The following GNAI3 variants were observed in gnomAD, a reference collection of about 807,000 sequenced individuals.
GNAI3 encodes the protein guanine nucleotide-binding protein G(i) subunit alpha-3.
A neutral mutation model predicts 41.8 loss-of-function variants in GNAI3; 12 were observed. The ratio of observed to expected loss-of-function variants is 0.29; its 90% CI spans 0.18 to 0.47. The LOEUF (loss-of-function observed/expected upper bound fraction) is 0.47, where lower values mean the gene tolerates loss of function less well. Among genes scored for constraint, GNAI3 ranks in the 20% least tolerant of loss-of-function variants. The pLI is 1.00. For synonymous variants in GNAI3, 132 were observed against 146.5 expected (o/e 0.90, Z 0.71); for missense variants, 360 against 429.6 (o/e 0.84, Z 1.43).
At position 109,595,200 on chromosome 1, in the gene GNAI3, G is replaced by A. The variant is rs1215394096; in HGVS notation, c.*2878G>A. On this transcript the variant is annotated 3_prime_UTR_variant, in exon 9 of 9. Coordinates refer to ENST00000369851, the MANE Select transcript of GNAI3 (RefSeq NM_006496.4). ...GCCTATGCTTTGGACCATCAAAGAA[G>A]CCATTAGTCTCTGTGTAAAGAAGAA... The A allele has an allele frequency of 6.6e-6, 1 of 152,182 alleles. No individual in the cohort carries two copies. The highest frequency in any genetic ancestry group is 1.5e-5 in the Non-Finnish European group (1 of 68,038). The allele number at this position is 152,182 out of a possible 1,614,324, so 9.4% of individuals were successfully genotyped here. A position where few individuals can be genotyped will look rare whatever the true frequency, so the allele number is the denominator to read the frequency against.
chr1:109,578,412 A>AG (rs940235187), intron 3 of GNAI3, among the ~76,000 whole-genome samples: 14 of 150,848 alleles, frequency 9.3e-5, no homozygotes, highest in Admixed American at 9.2e-4. Flanking sequence ...GGAGGTTACA[A>AG]GGAGCCGAGA....
chr1:109,561,742 T>A (rs1648316692), intron 1 of GNAI3, among the ~76,000 whole-genome samples: 1 of 152,146 alleles, frequency 6.6e-6, no homozygotes, highest in African/African-American at 2.4e-5. Flanking sequence ...GAGAGAGACA[T>A]ATACGTTAGG....
At chr1:109,590,452 A>G (rs1187326180) in intron 7 of GNAI3, among the ~76,000 whole-genome samples, 1 of 152,088 alleles carries the variant, frequency 6.6e-6, no homozygotes, top group East Asian at 1.9e-4. Flanking sequence ...GACAAAATTC[A>G]CTTTTCACTC....
At chr1:109,589,523 G>A (rs1649117339) in intron 7 of GNAI3, among the ~76,000 whole-genome samples, 1 of 152,086 alleles carries the variant, frequency 6.6e-6, no homozygotes, top group Admixed American at 6.6e-5. Context: ...GATCCTATAA[G>A]CAAAAGAGAT....
intron 1 of GNAI3, among the ~76,000 whole-genome samples, chr1:109,563,297 C>T (rs898676373): frequency 2.0e-5 from 3 of 152,184 alleles, no homozygotes; most frequent in Non-Finnish European, 2.9e-5. Flanking sequence ...GGAAGGATCG[C>T]TTGAGCCCTG....
chr1:109,555,959 CGTGCGTGTGTGT>C (rs1271823017), intron 1 of GNAI3, among the ~76,000 whole-genome samples: 4 of 96,786 alleles, frequency 4.1e-5, no homozygotes, highest in Non-Finnish European at 8.4e-5. Flanking sequence ...GGAGTGCGTG[CGTGCGTGTGTGT>C]GTGTGTGTGT....
At chr1:109,566,071 C>T (rs1191449266) in intron 1 of GNAI3, among the ~76,000 whole-genome samples, 2 of 152,102 alleles carry the variant, frequency 1.3e-5, no homozygotes, top group Non-Finnish European at 2.9e-5. Flanking sequence ...AGTTTGGGGG[C>T]TAGTTTTGGA....
chr1:109,563,168 G>A (rs551942110), intron 1 of GNAI3, among the ~76,000 whole-genome samples: 10 of 152,278 alleles, frequency 6.6e-5, no homozygotes, highest in Admixed American at 2.0e-4. Context: ...GATCACTTGA[G>A]CTCAGGAGTT....
In GNAI3 at chr1:109,599,574, A is replaced by G. The variant is rs1649394389; in HGVS notation, c.*7252A>G. On this transcript the variant is annotated 3_prime_UTR_variant, in exon 9 of 9. Coordinates refer to ENST00000369851, the MANE Select transcript of GNAI3 (RefSeq NM_006496.4). ...ATTTATGTGAAATGTAACGTAATTT[A>G]CATTTGATTTACTGTTAGTAATGTC... is the stretch of plus-strand genomic sequence containing the variant. 6.6e-6 allele frequency: 1 copy of G among 152,232 alleles called. No homozygotes were observed. The highest frequency in any genetic ancestry group is 2.1e-4 in the South Asian group (1 of 4,832). The allele number at this position is 152,232 out of a possible 1,614,324, so 9.4% of individuals were successfully genotyped here.
Position 109,586,325 on chromosome 1 carries a change from C to G in GNAI3, c.700C>G (p.Leu234Val). 6.2e-7 allele frequency: 1 copy of G among 1,612,136 alleles called. No individual in the cohort carries two copies. The highest frequency in any genetic ancestry group is 8.5e-7 in the Non-Finnish European group (1 of 1,178,968). ...CVALSDYDLV[L>V]AEDEEMNRMH... Reference sequence around the variant, plus strand: ...GGCCCTCAGTGATTATGACCTTGTTCTGGCTGAGGACGAGGAGATGGTATG... The same window carrying G: ...GGCCCTCAGTGATTATGACCTTGTTGTGGCTGAGGACGAGGAGATGGTATG... Residue 234 changes from leucine (L) to valine (V), a missense_variant, in exon 6 of 9, where the codon CTG becomes GTG. Transcript: ENST00000369851.
rs1649348594 is a variant in GNAI3 at position 109,597,876 on chromosome 1, C to T, written c.*5554C>T. The T allele has an allele frequency of 6.6e-6, 1 of 152,120 alleles. No individual in the cohort carries two copies. Among genetic ancestry groups the T allele is most frequent in the East Asian group, 1.9e-4 (1 of 5,190 alleles). 9.4% of individuals were successfully genotyped at this position (152,120 alleles called of 1,614,324 possible). On this transcript the variant is annotated 3_prime_UTR_variant, in exon 9 of 9. Coordinates refer to ENST00000369851, the MANE Select transcript of GNAI3 (RefSeq NM_006496.4). Reference sequence around the variant, plus strand: ...GCTAGCTCTAAACTAGAATGAAAGTCGTTTTGAAATGGGTACGGGGGTATA... The same window carrying T: ...GCTAGCTCTAAACTAGAATGAAAGTTGTTTTGAAATGGGTACGGGGGTATA...
chr1:109,591,900 C>T (rs530447101), intron 7 of GNAI3, 143 bp from the exon 8 acceptor site: 46 of 496,670 alleles, frequency 9.3e-5, no homozygotes, highest in African/African-American at 8.2e-4. Context: ...TATAGAAACA[C>T]CTAATGATTA....
At chr1:109,549,105 C>T (rs1470784302) in intron 1 of GNAI3, among the ~76,000 whole-genome samples, 1 of 151,884 alleles carries the variant, frequency 6.6e-6, no homozygotes, top group Non-Finnish European at 1.5e-5. Context: ...GAGTATGGGC[C>T]GGTAGATGTT....
At position 109,597,688 on chromosome 1, in the gene GNAI3, A is replaced by G. The variant is rs1293396578; in HGVS notation, c.*5366A>G. 3 of 152,206 alleles carry G rather than the reference A, an allele frequency of 2.0e-5. No individual in the cohort carries two copies. The allele number at this position is 152,206 out of a possible 1,614,324, so 9.4% of individuals were successfully genotyped here. ...AGTTTTATACAAAATTAAGACAACA[A>G]GAAACCTAGGATGTCCAAACATTCA... On this transcript the variant is annotated 3_prime_UTR_variant, in exon 9 of 9. Coordinates refer to ENST00000369851, the MANE Select transcript of GNAI3 (RefSeq NM_006496.4).
Position 109,596,577 on chromosome 1 carries a change from C to T in GNAI3, c.*4255C>T, listed in dbSNP as rs1649314857. ...CCATGTTAGCCAGGCTGGTCTCAAA[C>T]TCCTGACCTCAAGTGATTTGCCTGC... is the stretch of plus-strand genomic sequence containing the variant. On this transcript the variant is annotated 3_prime_UTR_variant, in exon 9 of 9. Transcript: ENST00000369851. The T allele has an allele frequency of 6.6e-6, 1 of 152,312 alleles. No individual in the cohort carries two copies. The highest frequency in any genetic ancestry group is 2.1e-4 in the South Asian group (1 of 4,824). 9.4% of individuals were successfully genotyped at this position (152,312 alleles called of 1,614,324 possible). A position where few individuals can be genotyped will look rare whatever the true frequency, so the allele number is the denominator to read the frequency against.
At chr1:109,586,387 AG>A in intron 6 of GNAI3, 42 bp downstream of exon 6, 1 of 1,561,488 alleles carries the variant, frequency 6.4e-7, no homozygotes, top group East Asian at 2.3e-5. Context: ...TAATGTAGCC[AG>A]GAAATGGAAA....
At chr1:109,572,175 T>C (rs899649145) in intron 1 of GNAI3, among the ~76,000 whole-genome samples, 29 of 151,972 alleles carry the variant, frequency 1.9e-4, no homozygotes, top group Non-Finnish European at 4.0e-4. Context: ...CTGGGTGTTG[T>C]GGCAGGCGCC....
chr1:109,552,706 T>A (rs981596053), intron 1 of GNAI3, among the ~76,000 whole-genome samples: 6 of 152,180 alleles, frequency 3.9e-5, no homozygotes, highest in African/African-American at 1.4e-4. Context: ...AAATTTTGTG[T>A]GTGCGGGTTT....
intron 5 of GNAI3, among the ~76,000 whole-genome samples, chr1:109,583,969 G>C (rs1648962108): frequency 1.3e-5 from 2 of 152,024 alleles, no homozygotes. Flanking sequence ...GTTTATTTTG[G>C]TTCCCATTTT....
Sources: allele counts gnomAD v4.1 joint callset (sites outside exome capture counted in the v4.1 genomes callset), GRCh38; gene constraint gnomAD v4.1.1; transcripts MANE v1.5; gene names NCBI Gene and HGNC (gene_info 2026-07-23, HGNC 2026-07-21).